Variants in PARP11 observed in about 807,000 individuals in gnomAD.
PARP11 encodes protein mono-ADP-ribosyltransferase PARP11.
PARP11 carries 31 observed loss-of-function variants against 42.9 expected under a neutral mutation model. The ratio of observed to expected loss-of-function variants is 0.72; its 90% CI spans 0.54 to 0.98. The LOEUF is 0.98. Among genes scored for constraint, PARP11 ranks in the 50% least tolerant of loss-of-function variants. The pLI is 0.00. For missense variants in PARP11, 365 were observed against 413.1 expected (o/e 0.88, Z 1.01); for synonymous variants, 137 against 127.3 (o/e 1.08, Z -0.51).
rs947746917 is a variant in PARP11, at chr12:3,840,437, G to C, written c.19-10419C>G. The stretch of plus-strand genomic sequence containing the variant: ...AAAGCCCCATTAGCACTACCTCCTC[G>C]ACTGCAGCATCCTTCAGGAGTAAGA... On this transcript the variant is annotated intron_variant, in intron 1 of 7. Transcript: ENST00000228820. This position sits in a 1 kb window ranked among gnomAD's most constrained non-coding sequence, Gnocchi z 4.4. 5 of 1,613,152 alleles carry C rather than the reference G, an allele frequency of 3.1e-6. No individual in the cohort carries two copies. In the South Asian group the frequency reaches 4.4e-5, roughly 14 times the overall value.
intron 1 of PARP11, among the ~76,000 whole-genome samples, chr12:3,851,472 C>G (rs952326603): frequency 1.0e-4 from 16 of 152,384 alleles, no homozygotes; most frequent in Non-Finnish European, 2.1e-4. Context: ...GCACCTGGCT[C>G]AGCGGGTCCC....
intron 1 of PARP11, among the ~76,000 whole-genome samples, chr12:3,830,379 G>A (rs61907083): frequency 0.023 from 3,544 of 152,136 alleles, 77 homozygotes; most frequent in Non-Finnish European, 0.032. Flanking sequence ...ATGCTATCAC[G>A]CTGGTTAAGA....
intron 1 of PARP11, among the ~76,000 whole-genome samples, chr12:3,865,251 A>G (rs916848333): frequency 3.3e-5 from 5 of 152,158 alleles, no homozygotes; most frequent in Admixed American, 2.6e-4. Context: ...GTACTGAGAT[A>G]TGTTTTATGG....
chr12:3,861,657 A>G lies in PARP11; in HGVS notation c.18+11555T>C, dbSNP rs1948293078. On this transcript the variant is annotated intron_variant, in intron 1 of 7. Coordinates refer to ENST00000228820, the MANE Select transcript of PARP11 (RefSeq NM_020367.6). The surrounding 1 kb of genome is among the most constrained non-coding windows in gnomAD (Gnocchi z 4.6). ...CTAGAAGCATGTTTTCAACAGCAGA[A>G]GTTTTTAATTTTGATAAAGTCTGTT... Among the ~76,000 whole-genome samples the G allele has an allele frequency of 6.6e-6, 1 of 152,134 alleles. No individual in the cohort carries two copies. The highest frequency in any genetic ancestry group is 2.4e-5 in the African/African-American group (1 of 41,420).
At chr12:3,862,531 G>A (rs921120982) in intron 1 of PARP11, among the ~76,000 whole-genome samples, 2 of 150,394 alleles carry the variant, frequency 1.3e-5, no homozygotes, top group Non-Finnish European at 3.0e-5. Flanking sequence ...TTAGGTCTAT[G>A]ATCCATTTTT....
At chr12:3,833,611 T>C (rs947762436) in intron 1 of PARP11, among the ~76,000 whole-genome samples, 3 of 152,174 alleles carry the variant, frequency 2.0e-5, no homozygotes, top group Admixed American at 6.5e-5. Flanking sequence ...CAAAAATTAA[T>C]TAATTAAAAA....
chr12:3,847,469 C>T (rs905688261), intron 1 of PARP11, among the ~76,000 whole-genome samples: 1 of 152,110 alleles, frequency 6.6e-6, no homozygotes, highest in Admixed American at 6.5e-5. Context: ...AAATCATTCA[C>T]CATGATCAAG....
intron 1 of PARP11, among the ~76,000 whole-genome samples, chr12:3,853,387 C>CAGTGTGCTGCT (rs1948133285): frequency 6.6e-6 from 1 of 152,098 alleles, no homozygotes; most frequent in African/African-American, 2.4e-5. Flanking sequence ...ATTCAGGAGA[C>CAGTGTGCTGCT]CCATCTCACG....
At chr12:3,847,783 A>G (rs1948030213) in intron 1 of PARP11, among the ~76,000 whole-genome samples, 1 of 152,226 alleles carries the variant, frequency 6.6e-6, no homozygotes, top group Non-Finnish European at 1.5e-5. Context: ...GTCCAGTTTC[A>G]CTACTGTTAC....
At chr12:3,873,013 A>C (rs933931856) in intron 1 of PARP11, among the ~76,000 whole-genome samples, 199 bp downstream of exon 1, 3 of 152,246 alleles carry the variant, frequency 2.0e-5, no homozygotes, top group Non-Finnish European at 4.4e-5. Flanking sequence ...AAAACAATAA[A>C]GCATTGGAGA....
At chr12:3,865,564 T>G (rs1441625697) in intron 1 of PARP11, among the ~76,000 whole-genome samples, 1 of 152,186 alleles carries the variant, frequency 6.6e-6, no homozygotes, top group Non-Finnish European at 1.5e-5. Context: ...TATCTAGGAT[T>G]GTTTCTGGTT....
chr12:3,846,246 A>C (rs1947991562), intron 1 of PARP11, among the ~76,000 whole-genome samples: 1 of 152,058 alleles, frequency 6.6e-6, no homozygotes. Flanking sequence ...GTGATGCTGC[A>C]TTATATATAA....
At chr12:3,834,898 C>T (rs983497854) in intron 1 of PARP11, among the ~76,000 whole-genome samples, 1 of 152,086 alleles carries the variant, frequency 6.6e-6, no homozygotes, top group African/African-American at 2.4e-5. Flanking sequence ...TACACGTACC[C>T]ACTGACAGAG....
At chr12:3,842,050 A>C in intron 1 of PARP11, 1 of 1,608,254 alleles carries the variant, frequency 6.2e-7, no homozygotes, top group Non-Finnish European at 8.5e-7. Flanking sequence ...AGCAGAGGGA[A>C]AGGCTCACCC....
At chr12:3,847,932 C>A (rs1948031803) in intron 1 of PARP11, among the ~76,000 whole-genome samples, 1 of 152,006 alleles carries the variant, frequency 6.6e-6, no homozygotes, top group African/African-American at 2.4e-5. Context: ...AAAAACTCCA[C>A]CAAAAATTAT....
At chr12:3,866,924 A>C (rs1280075738) in intron 1 of PARP11, among the ~76,000 whole-genome samples, 4 of 152,248 alleles carry the variant, frequency 2.6e-5, no homozygotes, top group Non-Finnish European at 5.9e-5. Context: ...TGAGTGCTTT[A>C]GCATATATTT....
At chr12:3,821,634 G>A (rs1009332158) in intron 6 of PARP11, among the ~76,000 whole-genome samples, 1 of 152,198 alleles carries the variant, frequency 6.6e-6, no homozygotes, top group African/African-American at 2.4e-5. Context: ...TTTCAGCCAA[G>A]ATGCATAGCT....
intron 1 of PARP11, among the ~76,000 whole-genome samples, chr12:3,838,767 C>G (rs1947817215): frequency 1.3e-5 from 2 of 152,220 alleles, no homozygotes. Flanking sequence ...CGCTCCCCGC[C>G]CCTCCGGCGC....
At chr12:3,865,314 A>G (rs1185080874) in intron 1 of PARP11, among the ~76,000 whole-genome samples, 1 of 152,156 alleles carries the variant, frequency 6.6e-6, no homozygotes, top group Non-Finnish European at 1.5e-5. Context: ...GGAAAAAAAT[A>G]AAACCCATGT....
Sources: gnomAD v4.1 joint callset for allele counts (sites outside exome capture counted in the v4.1 genomes callset) on GRCh38, gnomAD v4.1.1 for gene constraint, Gnocchi (gnomAD v3.1) non-coding constraint, MANE v1.5 for transcripts, NCBI Gene and HGNC (gene_info 2026-07-23, HGNC 2026-07-21) for gene names.